Variants in DPF3 observed in about 807,000 individuals in gnomAD.
The protein encoded by DPF3 is zinc finger protein DPF3.
Under a neutral mutation model 56.8 loss-of-function variants are expected in DPF3, and 18 were observed. The ratio of observed to expected loss-of-function variants is 0.32; its 90% CI spans 0.22 to 0.47. The LOEUF (loss-of-function observed/expected upper bound fraction) is 0.47. Among genes scored for constraint, DPF3 ranks in the 20% least tolerant of loss-of-function variants. DPF3 has a pLI of 1.00. For synonymous variants in DPF3, 188 were observed against 180.2 expected (o/e 1.04, Z -0.35); for missense variants, 403 against 488.8 (o/e 0.82, Z 1.65).
chr14:72,834,910 G>A (rs952141121), intron 1 of DPF3, among the ~76,000 whole-genome samples: 4 of 152,128 alleles, frequency 2.6e-5, no homozygotes, highest in South Asian at 2.1e-4. Context: ...ATGGCTGAAC[G>A]CTGAAAACAT....
At chr14:72,745,667 C>T (rs532766074) in intron 3 of DPF3, among the ~76,000 whole-genome samples, 1 of 152,200 alleles carries the variant, frequency 6.6e-6, no homozygotes, top group East Asian at 1.9e-4. Flanking sequence ...CCCTCACCTG[C>T]TCCCCTCTCC....
intron 2 of DPF3, among the ~76,000 whole-genome samples, chr14:72,769,678 C>CAAAAAA (rs59586674): frequency 2.6e-4 from 11 of 42,736 alleles, no homozygotes; most frequent in African/African-American, 6.9e-4. Context: ...GACTCCATCT[C>CAAAAAA]AAAAAAAAAA....
At chr14:72,715,019 C>T (rs1308565880) in intron 5 of DPF3, among the ~76,000 whole-genome samples, 2 of 152,318 alleles carry the variant, frequency 1.3e-5, no homozygotes, top group African/African-American at 2.4e-5. Flanking sequence ...TGTCCATCCC[C>T]GCAGTGTCGC....
Position 72,612,358 on chromosome 14 carries a change from C to T in DPF3, c.*6939G>A, listed in dbSNP as rs1006554721. 1 of 451,148 alleles carries T rather than the reference C, an allele frequency of 2.2e-6. No homozygotes were observed. The highest frequency in any genetic ancestry group is 4.4e-6 in the Non-Finnish European group (1 of 225,404). The allele number at this position is 451,148 out of a possible 1,614,324, so 27.9% of individuals were successfully genotyped here. On this transcript the variant is annotated 3_prime_UTR_variant, in exon 11 of 11. Transcript: ENST00000556509. ...CGCCTCTCTCCAGCCACCTGCTCCC[C>T]ACCTCCTCTGCTCTGAGATAATCAT... is the stretch of plus-strand genomic sequence containing the variant.
At chr14:72,729,175 T>C (rs1390540246) in intron 4 of DPF3, among the ~76,000 whole-genome samples, 1 of 151,882 alleles carries the variant, frequency 6.6e-6, no homozygotes, top group African/African-American at 2.4e-5. Context: ...TTGAACCCAG[T>C]AGGCAGAGGT....
At chr14:72,756,863 A>G (rs922132125) in intron 2 of DPF3, among the ~76,000 whole-genome samples, 4,128 of 107,048 alleles carry the variant, frequency 0.039, 31 homozygotes, top group Non-Finnish European at 0.053. Flanking sequence ...AAAGAAAGAA[A>G]GAAAGAAAGG....
At chr14:72,812,259 C>T (rs1006820678) in intron 1 of DPF3, among the ~76,000 whole-genome samples, 3 of 152,230 alleles carry the variant, frequency 2.0e-5, no homozygotes, top group Non-Finnish European at 4.4e-5. Flanking sequence ...CAGCCTCTCC[C>T]ATCCCACAGG....
At chr14:72,623,821 T>C (rs147962647) in intron 9 of DPF3, among the ~76,000 whole-genome samples, 118 of 152,348 alleles carry the variant, frequency 7.7e-4, no homozygotes, top group Non-Finnish European at 1.3e-3. Flanking sequence ...ACCCATATTA[T>C]GTTCTCTAAA....
At chr14:72,771,163 T>A (rs1599426894) in intron 2 of DPF3, among the ~76,000 whole-genome samples, 1 of 107,798 alleles carries the variant, frequency 9.3e-6, no homozygotes, top group East Asian at 3.0e-4. Flanking sequence ...CAAGAGTCCA[T>A]CTCAAAAAAA....
chr14:72,656,553 C>T (rs970506624), intron 8 of DPF3, among the ~76,000 whole-genome samples: 17 of 152,180 alleles, frequency 1.1e-4, no homozygotes, highest in African/African-American at 3.4e-4. Context: ...GGTAACCAAA[C>T]GATGTGTGTC....
At chr14:72,767,318 C>T (rs1051823316) in intron 2 of DPF3, among the ~76,000 whole-genome samples, 1 of 152,072 alleles carries the variant, frequency 6.6e-6, no homozygotes. Flanking sequence ...GACACAGACA[C>T]CAACAAGAAA....
Position 72,718,052 on chromosome 14 carries a change from T to C in DPF3, c.526-3551A>G, listed in dbSNP as rs576594247. 4.1e-4 allele frequency among the ~76,000 whole-genome samples: 63 copies of C among 152,308 alleles called. 1 individual carries two copies. Among genetic ancestry groups the C allele is most frequent in the African/African-American group, 1.4e-3 (60 of 41,546 alleles). Reference sequence around the variant, plus strand: ...TAGAAAACAGTGACCCTAGCTAGTATAGGCCACTTGAACTGAGGGCCCATA... The same window carrying C: ...TAGAAAACAGTGACCCTAGCTAGTACAGGCCACTTGAACTGAGGGCCCATA... On this transcript the variant is annotated intron_variant, in intron 5 of 10. Transcript: ENST00000556509.
chr14:72,868,131 CT>C (rs572225787), intron 1 of DPF3, among the ~76,000 whole-genome samples: 1 of 152,140 alleles, frequency 6.6e-6, no homozygotes, highest in Non-Finnish European at 1.5e-5. Context: ...AGGTACTGAT[CT>C]TTTTTTAAAG....
At chr14:72,685,938 A>G (rs1887391631) in intron 7 of DPF3, among the ~76,000 whole-genome samples, 2 of 152,218 alleles carry the variant, frequency 1.3e-5, no homozygotes, top group Admixed American at 6.5e-5. Context: ...ATTGCCCTCC[A>G]CAGCTTTCTC....
At chr14:72,840,488 A>C (rs762417306) in intron 1 of DPF3, among the ~76,000 whole-genome samples, 8 of 152,096 alleles carry the variant, frequency 5.3e-5, no homozygotes, top group Non-Finnish European at 1.0e-4. Flanking sequence ...TTAACATCTT[A>C]GTTTGTATCC....
chr14:72,792,418 G>T (rs1310363325), intron 1 of DPF3, among the ~76,000 whole-genome samples: 1 of 149,868 alleles, frequency 6.7e-6, no homozygotes, highest in Non-Finnish European at 1.5e-5. Flanking sequence ...GGCAAAAAAA[G>T]AAAAGAAAAA....
At chr14:72,788,138 G>A in intron 1 of DPF3, among the ~76,000 whole-genome samples, 1 of 152,208 alleles carries the variant, frequency 6.6e-6, no homozygotes, top group East Asian at 1.9e-4. Context: ...CACTTGGTAA[G>A]TGTTCATTCT....
intron 1 of DPF3, among the ~76,000 whole-genome samples, chr14:72,818,145 G>A (rs969202646): frequency 1.3e-5 from 2 of 151,782 alleles, no homozygotes; most frequent in Admixed American, 1.3e-4. Flanking sequence ...AATGGCTGAG[G>A]CACAAGAATC....
chr14:72,799,570 C>T (rs990411708), intron 1 of DPF3, among the ~76,000 whole-genome samples: 3 of 152,042 alleles, frequency 2.0e-5, no homozygotes, highest in Non-Finnish European at 4.4e-5. Flanking sequence ...GTAAGAGGAT[C>T]GCTTGAGCCC....
Sources: gnomAD v4.1 joint callset for allele counts (sites outside exome capture counted in the v4.1 genomes callset) on GRCh38, gnomAD v4.1.1 for gene constraint, MANE v1.5 for transcripts, NCBI Gene and HGNC (gene_info 2026-07-23, HGNC 2026-07-21) for gene names.